MAPT: variants seen among roughly 807,000 people sequenced by gnomAD.
MAPT encodes microtubule-associated protein tau.
In MAPT, 34 loss-of-function variants were observed where a neutral mutation model predicts 67.9. The observed-to-expected ratio is 0.50, with a 90% CI of 0.38 to 0.67. The LOEUF is 0.67. Among genes scored for constraint, MAPT ranks in the 30% least tolerant of loss-of-function variants. MAPT has a pLI of 0.00. For synonymous variants in MAPT, 456 were observed against 464.5 expected, an observed-to-expected ratio of 0.98 and a Z score of 0.23; for missense variants, 881 against 1,115.2, an observed-to-expected ratio of 0.79 and a Z score of 2.99.
chr17:46,017,440 A>ATTTTTTTTTTTTTTTTTTTTTTTT (rs76980614), intron 11 of MAPT, among the ~76,000 whole-genome samples: 5 of 63,004 alleles, frequency 7.9e-5, no homozygotes, highest in African/African-American at 1.6e-4. Flanking sequence ...TGCCTGGCTA[A>ATTTTTTTTTTTTTTTTTTTTTTTT]TTTTTTTTTT....
chr17:45,929,850 G>GC (rs1267877057), intron 1 of MAPT, among the ~76,000 whole-genome samples: 1 of 152,150 alleles, frequency 6.6e-6, no homozygotes, highest in African/African-American at 2.4e-5. Context: ...GGATTGCCTG[G>GC]CCGTTGTGTG....
At chr17:46,015,723 ATTGT>A (rs1334630002) in intron 11 of MAPT, among the ~76,000 whole-genome samples, 17 of 152,296 alleles carry the variant, frequency 1.1e-4, no homozygotes, top group Admixed American at 2.6e-4. Flanking sequence ...ATATAAATGG[ATTGT>A]TTGTAACACA....
At chr17:46,005,644 A>G (rs1342190592) in intron 9 of MAPT, among the ~76,000 whole-genome samples, 2 of 152,180 alleles carry the variant, frequency 1.3e-5, no homozygotes, top group Non-Finnish European at 2.9e-5. Flanking sequence ...GGGATTCCTT[A>G]AAATCGGAGG....
chr17:45,954,515 C>T (rs542187545), intron 1 of MAPT, among the ~76,000 whole-genome samples: 6 of 152,140 alleles, frequency 3.9e-5, no homozygotes, highest in South Asian at 4.2e-4. Context: ...CCTAGCCACT[C>T]GGGAGACTGA....
chr17:45,923,641 A>G (rs1012603580), intron 1 of MAPT, among the ~76,000 whole-genome samples: 4 of 152,214 alleles, frequency 2.6e-5, no homozygotes, highest in African/African-American at 9.6e-5. Context: ...ACCTTGGCCT[A>G]CCCACTTTAG....
chr17:45,960,868 C>T, intron 1 of MAPT, among the ~76,000 whole-genome samples: 1 of 151,004 alleles, frequency 6.6e-6, no homozygotes, highest in Non-Finnish European at 1.5e-5. Context: ...ATTCAGGCCT[C>T]CTATAGCCAT....
At position 45,915,577 on chromosome 17, in the gene MAPT, G is replaced by GGCA. The variant is rs1568154664; in HGVS notation, c.-18+20891_-18+20892insGCA. Reference sequence around the variant, plus strand: ...TGTGTGTGTGGTGCATGTGTGTGGCGTGTGAGCGTGTGTGTGCATTGTGTC... The same window carrying GGCA: ...TGTGTGTGTGGTGCATGTGTGTGGCGGCATGTGAGCGTGTGTGTGCATTGTGTC... On this transcript the variant is annotated intron_variant, in intron 1 of 12. Transcript: ENST00000262410. The surrounding 1 kb of genome is among the most constrained non-coding windows in gnomAD (Gnocchi z 4.4). Among the ~76,000 whole-genome samples, 4 of 151,258 alleles carry GGCA rather than the reference G, an allele frequency of 2.6e-5. No homozygotes were observed. The highest frequency in any genetic ancestry group is 7.3e-5 in the African/African-American group (3 of 41,106).
At chr17:45,985,431 T>G (rs532273326) in intron 5 of MAPT, among the ~76,000 whole-genome samples, 78 of 152,306 alleles carry the variant, frequency 5.1e-4, no homozygotes, top group African/African-American at 1.8e-3. Flanking sequence ...GAAATGATGT[T>G]TTCTTGAATA....
chr17:46,013,747 C>T (rs966404912), intron 10 of MAPT, among the ~76,000 whole-genome samples: 2 of 152,178 alleles, frequency 1.3e-5, no homozygotes, highest in African/African-American at 4.8e-5. Flanking sequence ...CACAGCGCCT[C>T]CCCTCTTTGA....
intron 1 of MAPT, among the ~76,000 whole-genome samples, chr17:45,941,720 T>C (rs1456211730): frequency 2.4e-4 from 32 of 131,944 alleles, no homozygotes; most frequent in African/African-American, 8.0e-4. Context: ...CCTTCCTTCC[T>C]TCCTTCCTTC....
intron 1 of MAPT, among the ~76,000 whole-genome samples, chr17:45,947,523 G>T (rs1010624430): frequency 1.3e-5 from 2 of 151,908 alleles, no homozygotes; most frequent in Non-Finnish European, 2.9e-5. Context: ...CAGTAGCTGG[G>T]ATTACAGGTG....
intron 1 of MAPT, among the ~76,000 whole-genome samples, chr17:45,899,244 T>C (rs748004587): frequency 6.6e-6 from 1 of 152,102 alleles, no homozygotes; most frequent in South Asian, 2.1e-4. Context: ...ATCTTGTGGG[T>C]AGAGGCCAGG....
intron 1 of MAPT, among the ~76,000 whole-genome samples, chr17:45,957,644 C>T (rs975078381): frequency 3.3e-5 from 5 of 152,222 alleles, no homozygotes; most frequent in East Asian, 1.9e-4. Context: ...TTCACAAAAG[C>T]GACATAAAGC....
Position 45,910,285 on chromosome 17 carries a change from G to A in MAPT, c.-18+15599G>A, listed in dbSNP as rs1381796717. Among the ~76,000 whole-genome samples, 3 of 152,172 alleles carry A rather than the reference G, an allele frequency of 2.0e-5. No homozygotes were observed. In the East Asian group the frequency reaches 5.8e-4, roughly 29 times the overall value. ...CTCATTTGATTCTTAACATGAGCCT[G>A]TGAGTGAAAAATTCCTTCCCCTCTT... On this transcript the variant is annotated intron_variant, in intron 1 of 12. Transcript: ENST00000262410.
At chr17:45,904,314 C>CTT (rs1568136006) in intron 1 of MAPT, among the ~76,000 whole-genome samples, 22 of 30,656 alleles carry the variant, frequency 7.2e-4, no homozygotes, top group Non-Finnish European at 1.3e-3. Context: ...TATATAAAAA[C>CTT]ATATATAATA....
At position 45,996,976 on chromosome 17, in the gene MAPT, G is replaced by T. The variant is rs187922182; in HGVS notation, c.1998+312G>T. Among the ~76,000 whole-genome samples, 1 of 152,218 alleles carries T rather than the reference G, an allele frequency of 6.6e-6. No homozygotes were observed. The highest frequency in any genetic ancestry group is 2.4e-5 in the African/African-American group (1 of 41,464). On this transcript the variant is annotated intron_variant, in intron 9 of 12. Coordinates refer to ENST00000262410, the MANE Select transcript of MAPT (RefSeq NM_001377265.1). This position sits in a 1 kb window ranked among gnomAD's most constrained non-coding sequence, Gnocchi z 4.5. ...CTGTTAATCGGACAGAGATGGCAGG[G>T]CTGTGTCTCCACGGCCGGAGGCTCT... is the stretch of plus-strand genomic sequence containing the variant.
intron 3 of MAPT, chr17:45,976,616 G>T (rs1381049458): frequency 1.3e-5 from 2 of 152,460 alleles, no homozygotes; most frequent in African/African-American, 4.8e-5. Flanking sequence ...CCCCCTTGCA[G>T]GTTCCTGCCT....
At chr17:45,998,697 C>T (rs2471738) in intron 9 of MAPT, among the ~76,000 whole-genome samples, 28,336 of 152,060 alleles carry the variant, frequency 0.19, 2,897 homozygotes, top group Admixed American at 0.22. Context: ...CACAGGTGAC[C>T]CAGGGCCTCT....
intron 2 of MAPT, among the ~76,000 whole-genome samples, chr17:45,970,141 T>C (rs2071510025): frequency 6.6e-6 from 1 of 151,488 alleles, no homozygotes; most frequent in African/African-American, 2.4e-5. Flanking sequence ...TATATCCAAT[T>C]ACACATCCAT....
Sources: gnomAD v4.1 joint callset for allele counts (sites outside exome capture counted in the v4.1 genomes callset) on GRCh38, gnomAD v4.1.1 for gene constraint, Gnocchi (gnomAD v3.1) non-coding constraint, MANE v1.5 for transcripts, NCBI Gene and HGNC (gene_info 2026-07-23, HGNC 2026-07-21) for gene names.